RNF111: variants seen among roughly 807,000 people sequenced by gnomAD.
RNF111 encodes E3 ubiquitin-protein ligase Arkadia.
A neutral mutation model predicts 95.1 loss-of-function variants in RNF111; 17 were observed. The ratio of observed to expected loss-of-function variants is 0.18; its 90% CI spans 0.12 to 0.27. The LOEUF is 0.27. Among genes scored for constraint, RNF111 ranks in the 10% least tolerant of loss-of-function variants. The pLI is 1.00. For missense variants in RNF111, 1,189 were observed against 1,210.4 expected, an observed-to-expected ratio of 0.98 and a Z score of 0.26; for synonymous variants, 440 against 414.8, an observed-to-expected ratio of 1.06 and a Z score of -0.74.
Position 59,058,481 on chromosome 15 carries a change from C to G in RNF111, c.1297C>G (p.Gln433Glu). The G allele has an allele frequency of 6.2e-7, 1 of 1,614,094 alleles. No homozygotes were observed. Among genetic ancestry groups the G allele is most frequent in the South Asian group, 1.1e-5 (1 of 91,082 alleles). The change falls in exon 5 of 14, where the codon CAA (glutamine) becomes GAA (glutamate). Residue 433 changes from glutamine to glutamate, a missense_variant. Around this residue, in one of 2 missense-constraint regions of RNF111, gnomAD observed 1,024 missense variants for 925.9 expected, o/e 1.11. Transcript: ENST00000348370. ...SDTASAVTSS[Q>E]PSTVSETSAT... ...TACTGCTTCAGCTGTCACCAGTAGC[C>G]AACCTTCCACAGTGTCAGAGACTTC...
At chr15:59,010,952 A>G (rs2039773265) in intron 1 of RNF111, among the ~76,000 whole-genome samples, 1 of 152,124 alleles carries the variant, frequency 6.6e-6, no homozygotes, top group South Asian at 2.1e-4. Context: ...ATATGCTCAA[A>G]AGTGTCTGAA....
chr15:59,071,984 A>G (rs1428618827), intron 6 of RNF111, among the ~76,000 whole-genome samples: 2 of 152,248 alleles, frequency 1.3e-5, no homozygotes, highest in East Asian at 3.8e-4. Context: ...GTTTGAAAAA[A>G]TGTACATGCT....
chr15:59,079,670 T>C (rs1596294735), intron 7 of RNF111, among the ~76,000 whole-genome samples: 1 of 148,608 alleles, frequency 6.7e-6, no homozygotes, highest in African/African-American at 2.5e-5. Context: ...TTTTTTTTTT[T>C]ACATGTCAAG....
In RNF111 at chr15:59,003,296, G is replaced by A. The variant is rs138508204; in HGVS notation, c.-20+15228G>A. ...CCCAGCTAAGTTTTTGTAGAGACAT[G>A]CTTTTGCCCTGTGGCCCAGGCTGGT... On this transcript the variant is annotated intron_variant, in intron 1 of 13. Coordinates refer to ENST00000348370, the MANE Select transcript of RNF111 (RefSeq NM_017610.8). Among the ~76,000 whole-genome samples, 698 of 151,732 alleles carry A rather than the reference G, an allele frequency of 4.6e-3. 5 individuals carry two copies. Among genetic ancestry groups the A allele is most frequent in the Middle Eastern group, 0.041 (12 of 292 alleles).
chr15:59,053,659 C>T lies in RNF111; in HGVS notation c.1007+1228C>T, dbSNP rs1446794656. Among the ~76,000 whole-genome samples, 3 of 152,282 alleles carry T rather than the reference C, an allele frequency of 2.0e-5. No homozygotes were observed. In the East Asian group the frequency reaches 5.8e-4, roughly 29 times the overall value. On this transcript the variant is annotated intron_variant, in intron 3 of 13. Coordinates refer to ENST00000348370, the MANE Select transcript of RNF111 (RefSeq NM_017610.8). ...CTGAAAACCAGTGTTATGTACCACA[C>T]CTATCCTCTGACCGTGCATAGTGCT...
At chr15:59,072,562 T>C (rs1337191451) in intron 6 of RNF111, among the ~76,000 whole-genome samples, 2 of 150,510 alleles carry the variant, frequency 1.3e-5, no homozygotes, top group East Asian at 4.0e-4. Flanking sequence ...CATGCCATTC[T>C]GCCTCAGCCT....
chr15:59,051,249 C>T (rs1007553657), intron 2 of RNF111, among the ~76,000 whole-genome samples: 9 of 147,018 alleles, frequency 6.1e-5, no homozygotes, highest in African/African-American at 2.0e-4. Context: ...GTCAGGAGAT[C>T]GCGACCATCC....
At chr15:59,048,348 G>A (rs2041812584) in intron 2 of RNF111, among the ~76,000 whole-genome samples, 1 of 152,194 alleles carries the variant, frequency 6.6e-6, no homozygotes, top group South Asian at 2.1e-4. Flanking sequence ...AGCCAAAAGT[G>A]TATGCAATGT....
At chr15:59,045,288 T>C (rs1038876001) in intron 2 of RNF111, among the ~76,000 whole-genome samples, 3 of 151,938 alleles carry the variant, frequency 2.0e-5, no homozygotes, top group African/African-American at 7.3e-5. Context: ...CCTCCCAGGT[T>C]CAAGTGATTC....
At chr15:59,006,610 C>A in intron 1 of RNF111, among the ~76,000 whole-genome samples, 1 of 152,092 alleles carries the variant, frequency 6.6e-6, no homozygotes, top group Non-Finnish European at 1.5e-5. Context: ...TATTTTTTTG[C>A]TTTACATTTC....
Position 59,081,978 on chromosome 15 carries a change from C to T in RNF111, c.2297+694C>T, listed in dbSNP as rs959723829. On this transcript the variant is annotated intron_variant, in intron 8 of 13. Coordinates refer to ENST00000348370, the MANE Select transcript of RNF111 (RefSeq NM_017610.8). ...GGGTCAAGGCTGGAGTGCAGTGGTG[C>T]AACCATAGTTCTTTTATCCTTGAAC... is the stretch of plus-strand genomic sequence containing the variant. Among the ~76,000 whole-genome samples the T allele has an allele frequency of 2.0e-5, 3 of 152,126 alleles. No homozygotes were observed. The East Asian group carries it at 5.8e-4, about 29-fold the overall frequency.
intron 1 of RNF111, among the ~76,000 whole-genome samples, chr15:59,005,316 G>A: frequency 7.5e-6 from 1 of 132,716 alleles, no homozygotes; most frequent in South Asian, 2.4e-4. Context: ...ACTGCACCCA[G>A]CCTCTAGAAC....
intron 1 of RNF111, among the ~76,000 whole-genome samples, chr15:59,007,516 C>T (rs767171858): frequency 6.6e-6 from 1 of 152,112 alleles, no homozygotes; most frequent in African/African-American, 2.4e-5. Flanking sequence ...ATGAGTAAAG[C>T]GATGAACATT....
intron 1 of RNF111, among the ~76,000 whole-genome samples, chr15:59,026,617 A>G (rs2040623867): frequency 6.6e-6 from 1 of 152,170 alleles, no homozygotes; most frequent in Admixed American, 6.5e-5. Context: ...TATCTGTTAT[A>G]TTTGCTGCTT....
At chr15:59,082,368 C>G (rs1596301195) in intron 8 of RNF111, among the ~76,000 whole-genome samples, 1 of 152,014 alleles carries the variant, frequency 6.6e-6, no homozygotes, top group East Asian at 1.9e-4. Context: ...ATTGATGATT[C>G]TGAGGAATAA....
intron 1 of RNF111, among the ~76,000 whole-genome samples, chr15:59,022,015 A>T (rs1198815130): frequency 6.6e-6 from 1 of 151,900 alleles, no homozygotes; most frequent in Non-Finnish European, 1.5e-5. Context: ...GCGTGCCACC[A>T]TGCCTGGCTA....
intron 2 of RNF111, 142 bp downstream of exon 2, chr15:59,031,844 T>C (rs2040924852): frequency 4.1e-6 from 3 of 738,604 alleles, no homozygotes; most frequent in Middle Eastern, 3.7e-4. Context: ...AAATTACCAA[T>C]TGCAGTATTA....
At chr15:59,048,415 A>G (rs2041815884) in intron 2 of RNF111, among the ~76,000 whole-genome samples, 1 of 152,220 alleles carries the variant, frequency 6.6e-6, no homozygotes, top group Admixed American at 6.5e-5. Flanking sequence ...AATGACAGAG[A>G]GCAGATCAGT....
intron 3 of RNF111, among the ~76,000 whole-genome samples, chr15:59,054,635 C>T (rs1447097613): frequency 1.5e-5 from 2 of 134,394 alleles, no homozygotes; most frequent in African/African-American, 5.3e-5. Context: ...TAACTTTATA[C>T]TCCTTCTTAA....
Sources: allele counts gnomAD v4.1 joint callset (sites outside exome capture counted in the v4.1 genomes callset), GRCh38; gene constraint gnomAD v4.1.1; regional missense constraint gnomAD v4.1.1; transcripts MANE v1.5; gene names NCBI Gene and HGNC (gene_info 2026-07-23, HGNC 2026-07-21).